The following QTMAN variants were observed in gnomAD, a reference collection of about 807,000 sequenced individuals.
QTMAN encodes queuosine-tRNA mannosyltransferase.
At chr2:144,034,466 T>G in the QTMAN span, among the ~76,000 whole-genome samples, 1 of 152,200 alleles carries the variant, frequency 6.6e-6, no homozygotes, top group Non-Finnish European at 1.5e-5. Flanking sequence ...CACTTATTTG[T>G]TTGCTTTATA....
At chr2:144,179,098 C>T in the QTMAN span, 5 of 338,516 alleles carry the variant, frequency 1.5e-5, no homozygotes, top group Non-Finnish European at 2.9e-5. Flanking sequence ...TTTCAGATTA[C>T]CCTCAACTAG....
At chr2:144,219,730 G>A in the QTMAN span, among the ~76,000 whole-genome samples, 1 of 152,154 alleles carries the variant, frequency 6.6e-6, no homozygotes, top group South Asian at 2.1e-4. Context: ...GCTGAGGTAG[G>A]AGGATCTCTT....
chr2:144,192,860 G>A, the QTMAN span, among the ~76,000 whole-genome samples: 1 of 152,186 alleles, frequency 6.6e-6, no homozygotes, highest in Non-Finnish European at 1.5e-5. Context: ...TTTGAAGAAT[G>A]TACATTAGAA....
At chr2:144,237,968 G>C in the QTMAN span, among the ~76,000 whole-genome samples, 2 of 152,180 alleles carry the variant, frequency 1.3e-5, no homozygotes, top group African/African-American at 2.4e-5. Flanking sequence ...CCATGTGAGA[G>C]AGCCATTTTC....
the QTMAN span, among the ~76,000 whole-genome samples, chr2:144,078,405 GAC>G: frequency 6.6e-6 from 1 of 152,200 alleles, no homozygotes. Flanking sequence ...CAAAGGGAGA[GAC>G]ACACACAAAC....
chr2:144,080,826 TA>T, the QTMAN span, among the ~76,000 whole-genome samples: 3 of 152,190 alleles, frequency 2.0e-5, no homozygotes, highest in Non-Finnish European at 4.4e-5. Context: ...GAAACTTTCA[TA>T]AGAATCTTGA....
the QTMAN span, among the ~76,000 whole-genome samples, chr2:144,133,131 A>AATT: frequency 0.069 from 3,360 of 48,592 alleles, 400 homozygotes; most frequent in African/African-American, 0.25. Flanking sequence ...ATATATATAT[A>AATT]TATATATATA....
chr2:144,024,375 T>C, the QTMAN span, among the ~76,000 whole-genome samples: 16 of 152,328 alleles, frequency 1.1e-4, no homozygotes, highest in African/African-American at 3.8e-4. Context: ...CTTGGTATGA[T>C]GAAGTGGAAA....
At chr2:144,054,376 C>A in the QTMAN span, among the ~76,000 whole-genome samples, 8 of 152,202 alleles carry the variant, frequency 5.3e-5, no homozygotes, top group East Asian at 1.5e-3. Flanking sequence ...CTGTAGCCCC[C>A]AGAATGTAAG....
chr2:144,007,258 T>A, the QTMAN span: 1 of 1,613,208 alleles, frequency 6.2e-7, no homozygotes, highest in Non-Finnish European at 8.5e-7. Context: ...GGATCAACAG[T>A]CAGATTTTGT....
the QTMAN span, among the ~76,000 whole-genome samples, chr2:144,222,398 G>A: frequency 6.6e-6 from 1 of 151,592 alleles, no homozygotes; most frequent in Non-Finnish European, 1.5e-5. Context: ...ATGCCAAAAT[G>A]TTATGCTTTG....
At chr2:144,223,844 C>A in the QTMAN span, among the ~76,000 whole-genome samples, 3 of 152,272 alleles carry the variant, frequency 2.0e-5, no homozygotes, top group South Asian at 4.1e-4. Flanking sequence ...CTGACTGACC[C>A]TCCTCCTGAT....
At chr2:143,992,723 G>A in the QTMAN span, among the ~76,000 whole-genome samples, 7 of 152,162 alleles carry the variant, frequency 4.6e-5, no homozygotes, top group Admixed American at 1.3e-4. Flanking sequence ...AATTCTTAAG[G>A]ATGTTCTTCG....
the QTMAN span, among the ~76,000 whole-genome samples, chr2:144,161,296 G>A: frequency 6.6e-6 from 1 of 152,080 alleles, no homozygotes; most frequent in Non-Finnish European, 1.5e-5. Context: ...ATATTTAATC[G>A]AGTCAATTCC....
the QTMAN span, among the ~76,000 whole-genome samples, chr2:144,187,937 A>T: frequency 6.6e-6 from 1 of 152,212 alleles, no homozygotes; most frequent in African/African-American, 2.4e-5. Context: ...ACACACACAC[A>T]CAGAGGAAGG....
the QTMAN span, among the ~76,000 whole-genome samples, chr2:144,083,636 T>C: frequency 6.6e-6 from 1 of 152,180 alleles, no homozygotes; most frequent in African/African-American, 2.4e-5. Context: ...CAGTGATCCA[T>C]AAAGGAGAGC....
the QTMAN span, among the ~76,000 whole-genome samples, chr2:144,324,198 G>A: frequency 3.9e-5 from 6 of 152,142 alleles, no homozygotes; most frequent in South Asian, 2.1e-4. Context: ...GCTATACCAC[G>A]CAGGAGTGTA....
chr2:144,307,988 T>C, the QTMAN span, among the ~76,000 whole-genome samples: 2 of 152,094 alleles, frequency 1.3e-5, no homozygotes, highest in Non-Finnish European at 2.9e-5. Flanking sequence ...CTCTAATTGA[T>C]ATGGAAATAG....
chr2:144,281,395 CAAAAAAAA>C, the QTMAN span, among the ~76,000 whole-genome samples: 142 of 60,604 alleles, frequency 2.3e-3, 1 homozygote, highest in Admixed American at 3.4e-3. Flanking sequence ...ATTGTTATAG[CAAAAAAAA>C]AAAAAAAAAA....
Sources: gnomAD v4.1 joint callset for allele counts (sites outside exome capture counted in the v4.1 genomes callset) on GRCh38, gnomAD v4.1.1 for gene constraint, MANE v1.5 for transcripts, NCBI Gene and HGNC (gene_info 2026-07-23, HGNC 2026-07-21) for gene names.